WWOX: variants seen among roughly 807,000 people sequenced by gnomAD.
The protein encoded by WWOX is WW domain-containing oxidoreductase.
WWOX carries 69 observed loss-of-function variants against 46.2 expected under a neutral mutation model. The observed-to-expected ratio is 1.49, with a 90% CI of 1.23 to 1.82. The LOEUF (loss-of-function observed/expected upper bound fraction) is 1.82. Ranked by LOEUF, WWOX falls within the 40% of genes most tolerant of loss-of-function variation. The pLI, the probability that WWOX is intolerant of heterozygous loss-of-function variation, is 0.00. For missense variants in WWOX, 919 were observed against 542.6 expected, an observed-to-expected ratio of 1.69 and a Z score of -6.89; for synonymous variants, 359 against 202.6, an observed-to-expected ratio of 1.77 and a Z score of -6.56.
intron 8 of WWOX, among the ~76,000 whole-genome samples, chr16:79,038,148 A>C (rs1199398276): frequency 6.6e-6 from 1 of 152,096 alleles, no homozygotes; most frequent in African/African-American, 2.4e-5. Context: ...CGTGAACCCC[A>C]GGACAGGGTG....
intron 8 of WWOX, among the ~76,000 whole-genome samples, chr16:78,618,362 C>G (rs2738557): frequency 1.3e-5 from 2 of 152,142 alleles, no homozygotes; most frequent in African/African-American, 2.4e-5. Context: ...GTTGGGAGTC[C>G]TAGATCAAGG....
At chr16:78,923,800 T>G (rs375494667) in intron 8 of WWOX, among the ~76,000 whole-genome samples, 40,033 of 134,488 alleles carry the variant, frequency 0.3, 6,928 homozygotes, top group Admixed American at 0.43. Context: ...GTTAGTTTTT[T>G]TTTTTTTTTT....
At chr16:78,448,264 T>C (rs745475986) in intron 8 of WWOX, among the ~76,000 whole-genome samples, 2 of 152,158 alleles carry the variant, frequency 1.3e-5, no homozygotes, top group Non-Finnish European at 2.9e-5. Context: ...GGGAGTAAAA[T>C]TCCTCAAGAC....
intron 8 of WWOX, among the ~76,000 whole-genome samples, chr16:79,164,773 A>G (rs1047224318): frequency 9.9e-5 from 15 of 152,188 alleles, no homozygotes; most frequent in Admixed American, 7.9e-4. Context: ...AGGGTCAGCA[A>G]ACTCAGTGAC....
intron 8 of WWOX, among the ~76,000 whole-genome samples, chr16:79,073,063 C>G (rs2048581324): frequency 6.6e-6 from 1 of 151,992 alleles, no homozygotes; most frequent in South Asian, 2.1e-4. Flanking sequence ...GTTGCAGAAT[C>G]TGTGTATTCA....
intron 8 of WWOX, among the ~76,000 whole-genome samples, chr16:78,598,784 G>A (rs1305599692): frequency 6.6e-6 from 1 of 152,152 alleles, no homozygotes; most frequent in Non-Finnish European, 1.5e-5. Context: ...AGCCCCTGGA[G>A]TCTTGGCTTT....
At chr16:78,885,061 C>A (rs762739086) in intron 8 of WWOX, among the ~76,000 whole-genome samples, 7 of 152,066 alleles carry the variant, frequency 4.6e-5, no homozygotes, top group Non-Finnish European at 8.8e-5. Context: ...AACATGGCAC[C>A]CCAGGTTCAG....
chr16:78,906,139 C>T (rs1355702894), intron 8 of WWOX, among the ~76,000 whole-genome samples: 24 of 152,126 alleles, frequency 1.6e-4, no homozygotes, highest in Admixed American at 1.3e-3. Flanking sequence ...AGTCTGTAAA[C>T]CCAAAATCCT....
At chr16:78,336,699 T>C (rs530279622) in intron 5 of WWOX, among the ~76,000 whole-genome samples, 5 of 152,230 alleles carry the variant, frequency 3.3e-5, no homozygotes, top group African/African-American at 1.2e-4. Flanking sequence ...GCTGCCATCT[T>C]TTCTAATTTT....
chr16:78,656,806 C>G (rs1223425194), intron 8 of WWOX, among the ~76,000 whole-genome samples: 1 of 152,180 alleles, frequency 6.6e-6, no homozygotes, highest in East Asian at 1.9e-4. Context: ...AGGCAGATTG[C>G]TCTGACACAG....
chr16:78,915,189 C>T (rs1172067526), intron 8 of WWOX, among the ~76,000 whole-genome samples: 1 of 152,164 alleles, frequency 6.6e-6, no homozygotes, highest in East Asian at 1.9e-4. Flanking sequence ...CACTCCACCA[C>T]CACTCACCCC....
chr16:78,769,912 G>A (rs944007950), intron 8 of WWOX, among the ~76,000 whole-genome samples: 1 of 151,922 alleles, frequency 6.6e-6, no homozygotes, highest in Non-Finnish European at 1.5e-5. Flanking sequence ...GTGTGTGGTG[G>A]AGCATGTGGG....
chr16:78,100,372 C>T (rs1264379828), intron 1 of WWOX, among the ~76,000 whole-genome samples: 2 of 152,124 alleles, frequency 1.3e-5, no homozygotes, highest in East Asian at 3.9e-4. Context: ...CTCATCTCAG[C>T]CTCTTGAGTG....
intron 5 of WWOX, among the ~76,000 whole-genome samples, chr16:78,197,842 G>A (rs1034923291): frequency 2.6e-5 from 4 of 152,184 alleles, no homozygotes; most frequent in African/African-American, 7.2e-5. Flanking sequence ...TACCTTGGCA[G>A]AAGCAGAATT....
intron 8 of WWOX, among the ~76,000 whole-genome samples, chr16:78,549,085 A>C (rs935856311): frequency 2.0e-5 from 3 of 152,226 alleles, no homozygotes; most frequent in African/African-American, 7.2e-5. Flanking sequence ...AAGTGAGGAA[A>C]ATAAATCTCA....
chr16:78,831,521 G>C (rs981405703), intron 8 of WWOX, among the ~76,000 whole-genome samples: 1 of 152,136 alleles, frequency 6.6e-6, no homozygotes, highest in Non-Finnish European at 1.5e-5. Flanking sequence ...GGAGACCCCG[G>C]TGCCCATGCC....
chr16:78,744,083 T>G (rs1433654644), intron 8 of WWOX, among the ~76,000 whole-genome samples: 1 of 152,182 alleles, frequency 6.6e-6, no homozygotes, highest in African/African-American at 2.4e-5. Flanking sequence ...AATGTCTGGA[T>G]GTGGTATGAA....
At chr16:78,228,020 C>A (rs994718750) in intron 5 of WWOX, among the ~76,000 whole-genome samples, 1 of 152,174 alleles carries the variant, frequency 6.6e-6, no homozygotes, top group Non-Finnish European at 1.5e-5. Context: ...TATGGACCCT[C>A]TCTCTGGCAA....
At chr16:79,068,217 G>A (rs72795655) in intron 8 of WWOX, among the ~76,000 whole-genome samples, 7 of 152,264 alleles carry the variant, frequency 4.6e-5, no homozygotes, top group Middle Eastern at 3.4e-3. Flanking sequence ...TAGTAGCAAC[G>A]GTAACTAATG....
Sources: gnomAD v4.1 joint callset for allele counts (sites outside exome capture counted in the v4.1 genomes callset) on GRCh38, gnomAD v4.1.1 for gene constraint, MANE v1.5 for transcripts, NCBI Gene and HGNC (gene_info 2026-07-23, HGNC 2026-07-21) for gene names.